The following SLC26A4 variants were observed in gnomAD, a reference collection of about 807,000 sequenced individuals.
The protein encoded by SLC26A4 is solute carrier family 26 member 4, also known as pendrin.
In SLC26A4, 93 loss-of-function variants were observed where a neutral mutation model predicts 90.4. That is an observed-to-expected ratio of 1.03 (90% CI 0.87 to 1.22). The LOEUF is 1.22. Among genes scored for constraint, SLC26A4 ranks in the 50% most tolerant of loss-of-function variants. SLC26A4 has a pLI of 0.00. For synonymous variants in SLC26A4, 393 were observed against 354.6 expected (o/e 1.11, Z -1.22); for missense variants, 1,127 against 946.2 (o/e 1.19, Z -2.51).
intron 6 of SLC26A4, 72 bp downstream of exon 6, chr7:107,675,181 C>A: frequency 2.0e-6 from 3 of 1,481,456 alleles, no homozygotes; most frequent in South Asian, 2.3e-5. Context: ...TTCTCTGAGT[C>A]TGGGCCAGGC....
chr7:107,717,465 T>C lies in SLC26A4; in HGVS notation c.*2019T>C, dbSNP rs1459624546. On this transcript the variant is annotated 3_prime_UTR_variant, in exon 21 of 21. Coordinates refer to ENST00000644269, the MANE Select transcript of SLC26A4 (RefSeq NM_000441.2). The stretch of plus-strand genomic sequence containing the variant: ...AAAGGAAATATGCACTGCTCACTTT[T>C]TTGAAGGAAATGCCAAAGTTACGTT... The C allele has an allele frequency of 1.3e-5, 2 of 152,582 alleles. No individual in the cohort carries two copies. Among genetic ancestry groups the C allele is most frequent in the African/African-American group, 4.8e-5 (2 of 41,440 alleles). The allele number at this position is 152,582 out of a possible 1,614,324, so 9.5% of individuals were successfully genotyped here.
At position 107,690,210 on chromosome 7, in the gene SLC26A4, C is replaced by A; in HGVS notation, c.1236C>A (p.Val412=). ...CCACTGCTCTTTCCCGCACGGCCGT[C>A]CAGGAGAGCACTGGAGGAAAGACAC... ...VATTALSRTA[V]QESTGGKTQV... is the part of the protein sequence containing the mutation. Residue 412 remains valine, a synonymous_variant, in exon 10 of 21, where the codon GTC becomes GTA. Coordinates refer to ENST00000644269, the MANE Select transcript of SLC26A4 (RefSeq NM_000441.2). 1 of 1,609,748 alleles carries A rather than the reference C, an allele frequency of 6.2e-7. No homozygotes were observed. Among genetic ancestry groups the A allele is most frequent in the Non-Finnish European group, 8.5e-7 (1 of 1,176,104 alleles).
intron 11 of SLC26A4, 68 bp from the exon 12 acceptor site, chr7:107,694,553 A>C (rs1376332807): frequency 9.9e-6 from 15 of 1,517,404 alleles, no homozygotes; most frequent in Non-Finnish European, 1.4e-5. Context: ...AAATAACAGG[A>C]GATTTAACAA....
At chr7:107,700,001 C>T in intron 14 of SLC26A4, 82 bp from the exon 15 acceptor site, 1 of 840,696 alleles carries the variant, frequency 1.2e-6, no homozygotes, top group Non-Finnish European at 2.1e-6. Context: ...TGTGACTTGA[C>T]TCCTTGCTAA....
At position 107,661,752 on chromosome 7, in the gene SLC26A4, G is replaced by A. The variant is rs767024317; in HGVS notation, c.111G>A (p.Glu37=). 98 of 1,546,646 alleles carry A rather than the reference G, an allele frequency of 6.3e-5. No homozygotes were observed. The highest frequency in any genetic ancestry group is 8.0e-5 in the Non-Finnish European group (92 of 1,149,674). ...AGCTCGCTTTCCAGCAACAGCACGA[G>A]CGGCGCCTGCAGGAGCGCAAGACGC... is the stretch of plus-strand genomic sequence containing the variant. The part of the protein sequence containing the change: ...YSELAFQQQH[E]RRLQERKTLR... The change falls in exon 2 of 21, where the codon GAG becomes GAA. Residue 37 remains glutamate, a synonymous_variant. Coordinates refer to ENST00000644269, the MANE Select transcript of SLC26A4 (RefSeq NM_000441.2). This position sits in a 1 kb window ranked among gnomAD's most constrained non-coding sequence, Gnocchi z 5.1.
chr7:107,688,205 C>G (rs938974077), intron 8 of SLC26A4, among the ~76,000 whole-genome samples: 1 of 152,058 alleles, frequency 6.6e-6, no homozygotes, highest in Non-Finnish European at 1.5e-5. Flanking sequence ...TCTCTAAGAA[C>G]CTTATTTCTA....
intron 6 of SLC26A4, among the ~76,000 whole-genome samples, chr7:107,676,567 A>G (rs1009393008): frequency 2.0e-5 from 3 of 152,212 alleles, no homozygotes; most frequent in Admixed American, 6.5e-5. Flanking sequence ...TTGATGCTTG[A>G]AAAATGGTGA....
At chr7:107,679,995 AATCTT>A (rs1407375042) in intron 6 of SLC26A4, among the ~76,000 whole-genome samples, 18 of 134,888 alleles carry the variant, frequency 1.3e-4, no homozygotes, top group Middle Eastern at 0.012. Flanking sequence ...TATATAATAT[AATCTT>A]ATCTTATTAT....
intron 20 of SLC26A4, among the ~76,000 whole-genome samples, chr7:107,714,135 A>G (rs1792273469): frequency 6.6e-6 from 1 of 151,666 alleles, no homozygotes; most frequent in Admixed American, 6.6e-5. Context: ...CATGTTGTCC[A>G]GGCTGGTCTT....
chr7:107,701,794 G>T, intron 16 of SLC26A4, 33 bp from the exon 17 acceptor site: 1 of 1,329,014 alleles, frequency 7.5e-7, no homozygotes, highest in South Asian at 1.2e-5. Flanking sequence ...TCAAATCTTT[G>T]ACAATTAAGT....
chr7:107,673,290 A>AG (rs1167872347), intron 4 of SLC26A4, among the ~76,000 whole-genome samples: 1 of 152,204 alleles, frequency 6.6e-6, no homozygotes, highest in Non-Finnish European at 1.5e-5. Context: ...TGAAAAAAAA[A>AG]TATTTTTTAA....
intron 3 of SLC26A4, among the ~76,000 whole-genome samples, chr7:107,670,545 C>T (rs562437553): frequency 4.6e-5 from 7 of 152,226 alleles, no homozygotes; most frequent in Admixed American, 1.3e-4. Flanking sequence ...CATCTCTCCA[C>T]GTTACTGAAT....
intron 17 of SLC26A4, among the ~76,000 whole-genome samples, chr7:107,702,508 G>A (rs763322990): frequency 2.0e-5 from 3 of 151,874 alleles, no homozygotes; most frequent in Non-Finnish European, 4.4e-5. Flanking sequence ...TGGCCAATAT[G>A]GTGAAACCCC....
At chr7:107,694,320 G>C (rs1308252802) in intron 10 of SLC26A4, 83 bp from the exon 11 acceptor site, 14 of 982,144 alleles carry the variant, frequency 1.4e-5, no homozygotes, top group Non-Finnish European at 2.3e-5. Flanking sequence ...CTGTGAACAG[G>C]CTGTCTCATA....
chr7:107,693,234 G>T (rs988256629), intron 10 of SLC26A4: 65 of 931,204 alleles, frequency 7.0e-5, no homozygotes, highest in Middle Eastern at 5.4e-4. Context: ...AGAAGGGAAA[G>T]AGCACCAGGG....
At position 107,694,434 on chromosome 7, in the gene SLC26A4, T is replaced by TG. The variant is rs1465903628; in HGVS notation, c.1296dup (p.Ile433AspfsTer35). ...GGCATCATCTCTGCTGCGATTGTGA[T>TG]GATCGCCATTCTTGCCCTGGGGAAG... is the stretch of plus-strand genomic sequence containing the variant. On this transcript the variant is annotated frameshift_variant, in exon 11 of 21. Transcript: ENST00000644269. LOFTEE classifies it high-confidence loss of function. 1 of 1,613,776 alleles carries TG rather than the reference T, an allele frequency of 6.2e-7. No individual in the cohort carries two copies. Among genetic ancestry groups the TG allele is most frequent in the Admixed American group, 1.7e-5 (1 of 59,982 alleles).
chr7:107,686,317 CCCTCCCTTT>C (rs1451902842), intron 8 of SLC26A4, among the ~76,000 whole-genome samples: 9 of 79,216 alleles, frequency 1.1e-4, no homozygotes, highest in African/African-American at 3.2e-4. Context: ...TCCCTCCCTT[CCCTCCCTTT>C]CCTACCTGCA....
At chr7:107,677,708 C>T (rs1241087224) in intron 6 of SLC26A4, among the ~76,000 whole-genome samples, 1 of 151,470 alleles carries the variant, frequency 6.6e-6, no homozygotes, top group Non-Finnish European at 1.5e-5. Flanking sequence ...CTGTGTCAAG[C>T]GATTCTTCCC....
intron 16 of SLC26A4, 110 bp downstream of exon 16, chr7:107,701,306 C>G: frequency 1.3e-6 from 1 of 742,904 alleles, no homozygotes; most frequent in African/African-American, 1.7e-5. Context: ...TGTGAATGAA[C>G]AAATGACATG....
Sources: gnomAD v4.1 joint callset for allele counts (sites outside exome capture counted in the v4.1 genomes callset) on GRCh38, gnomAD v4.1.1 for gene constraint, Gnocchi (gnomAD v3.1) non-coding constraint, MANE v1.5 for transcripts, NCBI Gene and HGNC (gene_info 2026-07-23, HGNC 2026-07-21) for gene names.